FAM135B: variants seen among roughly 807,000 people sequenced by gnomAD.
The protein encoded by FAM135B is family with sequence similarity 135 member B.
FAM135B carries 43 observed loss-of-function variants against 127.7 expected under a neutral mutation model. The ratio of observed to expected loss-of-function variants is 0.34; its 90% CI spans 0.26 to 0.43. The LOEUF is 0.43. FAM135B is among the 20% of genes least tolerant of loss of function. FAM135B has a pLI of 1.00. For missense variants in FAM135B, 1,558 were observed against 1,725.6 expected, an observed-to-expected ratio of 0.90 and a Z score of 1.72; for synonymous variants, 670 against 665.1, an observed-to-expected ratio of 1.01 and a Z score of -0.11.
intron 1 of FAM135B, among the ~76,000 whole-genome samples, chr8:138,458,161 A>C (rs1370483460): frequency 2.6e-5 from 4 of 152,100 alleles, no homozygotes; most frequent in Non-Finnish European, 5.9e-5. Flanking sequence ...CAAATAAATA[A>C]ATAAACAAAG....
intron 12 of FAM135B, among the ~76,000 whole-genome samples, chr8:138,163,647 T>C (rs539007400): frequency 6.6e-6 from 1 of 152,274 alleles, no homozygotes; most frequent in South Asian, 2.1e-4. Context: ...GCGTTTCACC[T>C]TCCACCGTGT....
chr8:138,184,891 C>A (rs1490194508), intron 9 of FAM135B, among the ~76,000 whole-genome samples: 1 of 152,176 alleles, frequency 6.6e-6, no homozygotes, highest in Non-Finnish European at 1.5e-5. Context: ...AATCAGAATG[C>A]ACATTTTAAC....
Position 138,132,405 on chromosome 8 carries a change from T to TCC in FAM135B, c.*187_*188insGG, listed in dbSNP as rs1816281164. ...AATTCAAGCAAAGTTTGTTGTCATTTAGTCTATTTGCTCAGCTTTCTCGAA... is the reference window on the plus strand; with the variant it reads ...AATTCAAGCAAAGTTTGTTGTCATTTCCAGTCTATTTGCTCAGCTTTCTCGAA... On this transcript the variant is annotated 3_prime_UTR_variant, in exon 20 of 20. Coordinates refer to ENST00000395297, the MANE Select transcript of FAM135B (RefSeq NM_015912.4). The surrounding 1 kb of genome is among the most constrained non-coding windows in gnomAD (Gnocchi z 4.5). 1 of 580,942 alleles carries TCC rather than the reference T, an allele frequency of 1.7e-6. No homozygotes were observed. Among genetic ancestry groups the TCC allele is most frequent in the Non-Finnish European group, 3.1e-6 (1 of 326,522 alleles). 36.0% of individuals were successfully genotyped at this position (580,942 alleles called of 1,614,324 possible). A position where few individuals can be genotyped will look rare whatever the true frequency, so the allele number is the denominator to read the frequency against.
chr8:138,222,691 T>G (rs1046222447), intron 7 of FAM135B, among the ~76,000 whole-genome samples: 2 of 150,372 alleles, frequency 1.3e-5, no homozygotes, highest in African/African-American at 4.9e-5. Context: ...TTTTTTTTTT[T>G]TTTTTTTTTT....
At chr8:138,428,331 C>A (rs1475114456) in intron 1 of FAM135B, among the ~76,000 whole-genome samples, 1 of 152,112 alleles carries the variant, frequency 6.6e-6, no homozygotes, top group Non-Finnish European at 1.5e-5. Context: ...CAGTCCAACG[C>A]CCAAACTATC....
At chr8:138,304,351 GC>G (rs933499413) in intron 3 of FAM135B, among the ~76,000 whole-genome samples, 1 of 152,318 alleles carries the variant, frequency 6.6e-6, no homozygotes, top group African/African-American at 2.4e-5. Context: ...CCACAGGGAA[GC>G]CCCAGGTTCT....
intron 4 of FAM135B, among the ~76,000 whole-genome samples, chr8:138,264,368 C>A (rs1057451934): frequency 3.9e-5 from 6 of 152,190 alleles, no homozygotes; most frequent in Non-Finnish European, 8.8e-5. Flanking sequence ...GAGACAACAG[C>A]CAGTCTTGCA....
At chr8:138,247,923 C>T (rs180911419) in intron 6 of FAM135B, among the ~76,000 whole-genome samples, 2 of 152,324 alleles carry the variant, frequency 1.3e-5, no homozygotes, top group Admixed American at 1.3e-4. Context: ...CTGGATGTAG[C>T]ACAAAGGATG....
Position 138,141,047 on chromosome 8 carries a change from A to G in FAM135B, c.3790+151T>C. On this transcript the variant is annotated intron_variant, in intron 17 of 19. Transcript: ENST00000395297. The surrounding 1 kb of genome is among the most constrained non-coding windows in gnomAD (Gnocchi z 4.7). ...CACTCAGCCCCCAGACACAAGGGCC[A>G]CACCTCTAAGGCCAGGACTCCTCCC... 1.5e-6 allele frequency: 1 copy of G among 668,686 alleles called. No individual in the cohort carries two copies. 41.4% of individuals were successfully genotyped at this position (668,686 alleles called of 1,614,324 possible). A position where few individuals can be genotyped will look rare whatever the true frequency, so the allele number is the denominator to read the frequency against.
intron 1 of FAM135B, among the ~76,000 whole-genome samples, chr8:138,432,446 C>A (rs1055552680): frequency 6.6e-6 from 1 of 152,150 alleles, no homozygotes; most frequent in Admixed American, 6.5e-5. Flanking sequence ...TGTTCCCAAA[C>A]AACAGTCTCT....
intron 1 of FAM135B, chr8:138,437,668 G>A (rs966840068): frequency 2.6e-5 from 4 of 152,178 alleles, no homozygotes; most frequent in Non-Finnish European, 5.9e-5. Flanking sequence ...TGCAGGACCC[G>A]TGACAAGTGG....
In FAM135B at chr8:138,151,765, G is replaced by A. The variant is rs772182944; in HGVS notation, c.2710C>T (p.Pro904Ser). The change falls in exon 13 of 20, where the codon CCA becomes TCA. Residue 904 changes from proline (P) to serine (S), a missense_variant. Physicochemically the swap from Pro to Ser is moderately conservative, Grantham distance 74 (BLOSUM62 -1). Transcript: ENST00000395297. ...RSLHRALEET[P>S]KGMPKDLNVG... Reference sequence around the variant, plus strand: ...TTCAAGTCTTTAGGCATGCCCTTTGGGGTTTCCTCAAGTGCTCTATGAAGA... The same window carrying A: ...TTCAAGTCTTTAGGCATGCCCTTTGAGGTTTCCTCAAGTGCTCTATGAAGA... 1.2e-6 allele frequency: 2 copies of A among 1,614,112 alleles called. No homozygotes were observed. Among genetic ancestry groups the A allele is most frequent in the Non-Finnish European group, 1.7e-6 (2 of 1,180,038 alleles).
At chr8:138,321,373 T>C (rs1827443519) in intron 2 of FAM135B, among the ~76,000 whole-genome samples, 1 of 152,208 alleles carries the variant, frequency 6.6e-6, no homozygotes, top group Admixed American at 6.5e-5. Flanking sequence ...ATGATGCTTT[T>C]GGTGGGACAC....
intron 11 of FAM135B, among the ~76,000 whole-genome samples, chr8:138,176,481 G>C (rs1367840354): frequency 6.6e-6 from 1 of 152,182 alleles, no homozygotes; most frequent in Non-Finnish European, 1.5e-5. Flanking sequence ...GAAATTCCTA[G>C]ACTTGTCATT....
At chr8:138,188,460 T>C (rs927724426) in intron 9 of FAM135B, among the ~76,000 whole-genome samples, 4 of 152,166 alleles carry the variant, frequency 2.6e-5, no homozygotes, top group African/African-American at 9.7e-5. Flanking sequence ...GTCAGAGAGT[T>C]GGCAAGGTTG....
chr8:138,404,770 T>C (rs1252187718), intron 1 of FAM135B, among the ~76,000 whole-genome samples: 5 of 152,162 alleles, frequency 3.3e-5, no homozygotes, highest in African/African-American at 1.2e-4. Flanking sequence ...AGCAGTTCAG[T>C]CACATCTTCA....
intron 2 of FAM135B, among the ~76,000 whole-genome samples, chr8:138,349,170 T>C (rs142429496): frequency 7.0e-4 from 107 of 152,380 alleles, no homozygotes; most frequent in African/African-American, 2.0e-3. Flanking sequence ...CCTTGTGAAG[T>C]AGCAGCAACA....
At chr8:138,189,841 A>G (rs564447882) in intron 9 of FAM135B, among the ~76,000 whole-genome samples, 1 of 152,326 alleles carries the variant, frequency 6.6e-6, no homozygotes, top group East Asian at 1.9e-4. Context: ...TGGAGTCCTA[A>G]TAAGATAAGT....
intron 12 of FAM135B, among the ~76,000 whole-genome samples, chr8:138,163,517 C>T (rs956918051): frequency 7.2e-5 from 11 of 152,076 alleles, no homozygotes; most frequent in Admixed American, 1.3e-4. Flanking sequence ...ATCATGGGGG[C>T]AGTTTCCCCC....
Sources: allele counts gnomAD v4.1 joint callset (sites outside exome capture counted in the v4.1 genomes callset), GRCh38; gene constraint gnomAD v4.1.1; non-coding constraint Gnocchi (gnomAD v3.1); transcripts MANE v1.5; gene names NCBI Gene and HGNC (gene_info 2026-07-23, HGNC 2026-07-21).